Variants in GFPT1 observed in about 807,000 individuals in gnomAD.
GFPT1 encodes the protein glutamine--fructose-6-phosphate aminotransferase [isomerizing] 1.
Under a neutral mutation model 92.0 loss-of-function variants are expected in GFPT1, and 40 were observed. The observed-to-expected ratio is 0.43, with a 90% confidence interval of 0.34 to 0.57. The LOEUF (loss-of-function observed/expected upper bound fraction) is 0.57, where lower values mean the gene tolerates loss of function less well. Ranked by LOEUF, GFPT1 falls within the 20% of genes least tolerant of loss-of-function variation. GFPT1 has a pLI of 0.02. For missense variants in GFPT1, 448 were observed against 869.1 expected, an observed-to-expected ratio of 0.52 and a Z score of 6.09; for synonymous variants, 269 against 280.6, an observed-to-expected ratio of 0.96 and a Z score of 0.41.
chr2:69,340,579 T>G (rs1483996431), intron 13 of GFPT1, among the ~76,000 whole-genome samples: 2 of 152,190 alleles, frequency 1.3e-5, no homozygotes, highest in African/African-American at 4.8e-5. Flanking sequence ...AAAAAAATTT[T>G]GCAACCTCTG....
rs79150550 is a variant in GFPT1, at chr2:69,321,574, C to T, written c.*4615G>A. The T allele has an allele frequency of 5.2e-4, 79 of 152,270 alleles. No individual in the cohort carries two copies. Among genetic ancestry groups the T allele is most frequent in the African/African-American group, 1.9e-3 (78 of 41,566 alleles). 9.4% of individuals were successfully genotyped at this position (152,270 alleles called of 1,614,324 possible). ...GTTCAGGCTTACTCACTGGACTTAA[C>T]GACATGAGGAAGAAATGACCAACTG... On this transcript the variant is annotated 3_prime_UTR_variant, in exon 20 of 20. Transcript: ENST00000357308.
At chr2:69,331,456 C>T (rs185889443) in intron 15 of GFPT1, among the ~76,000 whole-genome samples, 2 of 152,284 alleles carry the variant, frequency 1.3e-5, no homozygotes, top group East Asian at 3.9e-4. Context: ...GATATGCCTA[C>T]AGATTTTCAG....
chr2:69,352,587 T>TGAGCAACA (rs1671234117), intron 9 of GFPT1, among the ~76,000 whole-genome samples: 1 of 114,254 alleles, frequency 8.8e-6, no homozygotes, highest in South Asian at 2.8e-4. Context: ...CACTACAGCC[T>TGAGCAACA]GAGCAACAGA....
intron 1 of GFPT1, among the ~76,000 whole-genome samples, chr2:69,374,364 A>T (rs1671822769): frequency 6.7e-6 from 1 of 150,070 alleles, no homozygotes; most frequent in African/African-American, 2.5e-5. Context: ...CGCAGGATGG[A>T]GTCCAGCAGC....
chr2:69,352,591 C>A (rs1238034744), intron 9 of GFPT1, among the ~76,000 whole-genome samples: 2 of 104,796 alleles, frequency 1.9e-5, no homozygotes, highest in African/African-American at 7.6e-5. Context: ...ACAGCCTGAG[C>A]AACAGAGCGA....
At chr2:69,377,493 A>AC (rs200577121) in intron 1 of GFPT1, among the ~76,000 whole-genome samples, 82,682 of 137,678 alleles carry the variant, frequency 0.6, 25,277 homozygotes, top group African/African-American at 0.77. Flanking sequence ...TACTAAAAAT[A>AC]AAAATAAAAA....
At chr2:69,342,392 T>C (rs529876728) in intron 12 of GFPT1, 143 bp from the exon 13 acceptor site, 19 of 653,386 alleles carry the variant, frequency 2.9e-5, no homozygotes, top group Middle Eastern at 2.9e-4. Context: ...AGCACAGTTC[T>C]CTGTAATTTT....
intron 18 of GFPT1, 130 bp downstream of exon 18, chr2:69,328,141 G>T: frequency 4.0e-5 from 26 of 652,390 alleles, no homozygotes; most frequent in East Asian, 6.3e-5. Context: ...TTCCTCACAT[G>T]TAAACCTCAA....
intron 2 of GFPT1, chr2:69,371,622 G>C (rs1226918315): frequency 6.6e-6 from 1 of 151,842 alleles, no homozygotes; most frequent in Non-Finnish European, 1.5e-5. Context: ...CAGATCACGA[G>C]GTCAGGAGAT....
intron 1 of GFPT1, among the ~76,000 whole-genome samples, chr2:69,374,715 C>A (rs1046572374): frequency 1.3e-5 from 2 of 151,990 alleles, no homozygotes; most frequent in African/African-American, 2.4e-5. Context: ...GGTTTATGTC[C>A]TATATACAGA....
At chr2:69,359,121 C>T in intron 5 of GFPT1, 147 bp downstream of exon 5, 1 of 638,604 alleles carries the variant, frequency 1.6e-6, no homozygotes, top group South Asian at 1.8e-5. Flanking sequence ...AAAGAAAAAT[C>T]CAATAAACCA....
chr2:69,351,295 C>T (rs1671200664), intron 9 of GFPT1, among the ~76,000 whole-genome samples: 1 of 152,128 alleles, frequency 6.6e-6, no homozygotes, highest in Non-Finnish European at 1.5e-5. Flanking sequence ...AACTGGAATG[C>T]TAAGGTTTTA....
At chr2:69,331,947 C>T (rs76246486) in intron 15 of GFPT1, among the ~76,000 whole-genome samples, 1,800 of 152,192 alleles carry the variant, frequency 0.012, 33 homozygotes, top group African/African-American at 0.041. Flanking sequence ...TATATTGGTG[C>T]TGACATAATT....
chr2:69,330,475 A>AC (rs1421743860), intron 15 of GFPT1, among the ~76,000 whole-genome samples: 1 of 151,454 alleles, frequency 6.6e-6, no homozygotes, highest in Non-Finnish European at 1.5e-5. Context: ...TCCTTGGGGT[A>AC]CTTGCACTGG....
intron 1 of GFPT1, among the ~76,000 whole-genome samples, chr2:69,383,601 CATTT>C (rs199893451): frequency 2.6e-5 from 4 of 151,936 alleles, no homozygotes; most frequent in Non-Finnish European, 4.4e-5. Flanking sequence ...GCAAACATTC[CATTT>C]ATTTATTTAT....
Position 69,345,958 on chromosome 2 carries a change from G to A in GFPT1, c.1051C>T (p.Pro351Ser), listed in dbSNP as rs1247659391. The A allele has an allele frequency of 6.2e-7, 1 of 1,607,702 alleles. No individual in the cohort carries two copies. The highest frequency in any genetic ancestry group is 8.5e-7 in the Non-Finnish European group (1 of 1,174,270). ...SFMQKEIFEQ[P>S]ESVVNTMRGR... is the part of the protein sequence containing the mutation. ...CTCATTGTGTTCACGACAGACTCTGGCTGCTCAAATATTTCCTTCTGCATA... is the reference window on the plus strand; with the variant it reads ...CTCATTGTGTTCACGACAGACTCTGACTGCTCAAATATTTCCTTCTGCATA... Residue 351 changes from proline to serine, a missense_variant, in exon 12 of 20, where the codon CCA becomes TCA. By Grantham distance (74) the Pro-to-Ser change is moderately conservative. Transcript: ENST00000357308.
intron 7 of GFPT1, among the ~76,000 whole-genome samples, chr2:69,354,951 C>T (rs1377904269): frequency 1.3e-5 from 2 of 152,124 alleles, no homozygotes; most frequent in South Asian, 4.1e-4. Flanking sequence ...TTGGAGTGAG[C>T]CAAGATCGCG....
intron 4 of GFPT1, 129 bp from the exon 5 acceptor site, chr2:69,359,455 T>C: frequency 1.6e-6 from 1 of 623,894 alleles, no homozygotes; most frequent in Non-Finnish European, 3.0e-6. Context: ...ATGTTATTTA[T>C]AACATAATTA....
At chr2:69,357,466 A>C (rs1018254208) in intron 6 of GFPT1, among the ~76,000 whole-genome samples, 1 of 152,224 alleles carries the variant, frequency 6.6e-6, no homozygotes, top group Non-Finnish European at 1.5e-5. Flanking sequence ...TGGATTATAC[A>C]ATGAATAAAA....
Sources: allele counts gnomAD v4.1 joint callset (sites outside exome capture counted in the v4.1 genomes callset), GRCh38; gene constraint gnomAD v4.1.1; transcripts MANE v1.5; gene names NCBI Gene and HGNC (gene_info 2026-07-23, HGNC 2026-07-21).